HS3ST4: variants seen among roughly 807,000 people sequenced by gnomAD.
The protein encoded by HS3ST4 is heparan sulfate-glucosamine 3-sulfotransferase 4.
Under a neutral mutation model 29.2 loss-of-function variants are expected in HS3ST4, and 17 were observed. That is an observed-to-expected ratio of 0.58 (90% CI 0.40 to 0.87). The LOEUF is 0.87. HS3ST4 is among the 40% of genes least tolerant of loss of function. The probability of loss-of-function intolerance (pLI) is 0.00; values close to 1 mark genes in which losing one functional copy is unlikely to be tolerated. For missense variants in HS3ST4, 627 were observed against 634.5 expected, an observed-to-expected ratio of 0.99 and a Z score of 0.13; for synonymous variants, 314 against 285.7, an observed-to-expected ratio of 1.10 and a Z score of -1.00.
At chr16:25,825,691 G>C (rs1967208368) in intron 1 of HS3ST4, 1 of 152,194 alleles carries the variant, frequency 6.6e-6, no homozygotes, top group South Asian at 2.1e-4. Context: ...TGCTAACTGT[G>C]TTCACCTTAT....
chr16:26,103,688 T>A (rs770170787), intron 1 of HS3ST4, among the ~76,000 whole-genome samples: 1 of 152,220 alleles, frequency 6.6e-6, no homozygotes, highest in South Asian at 2.1e-4. Context: ...GCTTAATTAA[T>A]CTAACACTAT....
chr16:25,714,062 G>T (rs1461105156), intron 1 of HS3ST4, among the ~76,000 whole-genome samples: 1 of 151,416 alleles, frequency 6.6e-6, no homozygotes, highest in East Asian at 1.9e-4. Context: ...GGGGAATTTT[G>T]CAGATCTCTG....
At chr16:25,939,025 A>G (rs188100621) in intron 1 of HS3ST4, among the ~76,000 whole-genome samples, 1 of 152,254 alleles carries the variant, frequency 6.6e-6, no homozygotes, top group East Asian at 1.9e-4. Flanking sequence ...ATGATCAGTG[A>G]TGGCTGAATG....
rs376010878 is a variant in HS3ST4, at chr16:25,756,146, A to G, written c.734+62995A>G. ...CACACATACACACACACACACACAC[A>G]CACACACGCACACACACACACACAC... On this transcript the variant is annotated intron_variant, in intron 1 of 1. Transcript: ENST00000331351. 3.6e-3 allele frequency among the ~76,000 whole-genome samples: 312 copies of G among 86,554 alleles called. 2 individuals carry two copies. The highest frequency in any genetic ancestry group is 0.012 in the African/African-American group (298 of 24,240). 56.8% of individuals were successfully genotyped at this position (86,554 alleles called of 152,430 possible).
chr16:25,765,102 G>C (rs1346761940), intron 1 of HS3ST4, among the ~76,000 whole-genome samples: 1 of 152,240 alleles, frequency 6.6e-6, no homozygotes, highest in Non-Finnish European at 1.5e-5. Flanking sequence ...GGGAGAGTCT[G>C]TGTGAAGCAT....
At chr16:25,889,991 G>A (rs1328390464) in intron 1 of HS3ST4, among the ~76,000 whole-genome samples, 3 of 152,158 alleles carry the variant, frequency 2.0e-5, no homozygotes, top group Non-Finnish European at 4.4e-5. Flanking sequence ...CCAGCCATGT[G>A]GAACTGTGAG....
chr16:26,128,401 G>A (rs926892476), intron 1 of HS3ST4, among the ~76,000 whole-genome samples: 3 of 152,196 alleles, frequency 2.0e-5, no homozygotes, highest in African/African-American at 7.2e-5. Flanking sequence ...AGCAATTTGA[G>A]GTCCAGGGAG....
At chr16:25,704,034 C>G (rs1419943698) in intron 1 of HS3ST4, among the ~76,000 whole-genome samples, 2 of 152,172 alleles carry the variant, frequency 1.3e-5, no homozygotes, top group Admixed American at 6.5e-5. Context: ...CATTTTGTTT[C>G]AAGCCAGAGC....
intron 1 of HS3ST4, among the ~76,000 whole-genome samples, chr16:26,078,808 G>A (rs1343827488): frequency 6.6e-6 from 1 of 152,224 alleles, no homozygotes; most frequent in Non-Finnish European, 1.5e-5. Context: ...GCATATTGCA[G>A]TCTTTAACCA....
chr16:25,703,994 A>G (rs1225690448), intron 1 of HS3ST4, among the ~76,000 whole-genome samples: 2 of 152,200 alleles, frequency 1.3e-5, no homozygotes, highest in Non-Finnish European at 2.9e-5. Flanking sequence ...CTAGAAGGTA[A>G]ACTGCATAGG....
chr16:25,945,278 T>C (rs1968613848), intron 1 of HS3ST4, among the ~76,000 whole-genome samples: 1 of 152,230 alleles, frequency 6.6e-6, no homozygotes, highest in Admixed American at 6.5e-5. Context: ...TGTAATTTGA[T>C]AAATTGCTTT....
intron 1 of HS3ST4, among the ~76,000 whole-genome samples, chr16:25,760,087 T>C (rs1349559734): frequency 4.6e-5 from 7 of 152,176 alleles, no homozygotes; most frequent in Non-Finnish European, 1.5e-5. Context: ...TGTGCGTCTA[T>C]GAGGGCTGCC....
At chr16:26,131,595 C>A (rs1303627121) in intron 1 of HS3ST4, among the ~76,000 whole-genome samples, 1 of 152,132 alleles carries the variant, frequency 6.6e-6, no homozygotes, top group Non-Finnish European at 1.5e-5. Flanking sequence ...AGAAAAAGTG[C>A]CTGAAAGGTT....
intron 1 of HS3ST4, among the ~76,000 whole-genome samples, chr16:25,793,580 A>C (rs1208031385): frequency 6.6e-6 from 1 of 151,970 alleles, no homozygotes; most frequent in African/African-American, 2.4e-5. Flanking sequence ...ACTTTGCTGC[A>C]TATTAGTATA....
chr16:25,955,984 G>A (rs1048733871), intron 1 of HS3ST4, among the ~76,000 whole-genome samples: 4 of 151,620 alleles, frequency 2.6e-5, no homozygotes, highest in African/African-American at 9.7e-5. Context: ...CTGGCTAAGT[G>A]TTTTGTATTT....
intron 1 of HS3ST4, among the ~76,000 whole-genome samples, chr16:25,845,571 A>G (rs1791616042): frequency 6.6e-6 from 1 of 152,004 alleles, no homozygotes; most frequent in African/African-American, 2.4e-5. Context: ...GAGAAGACCC[A>G]TTTAAAATTT....
At chr16:25,953,137 C>T (rs1596624585) in intron 1 of HS3ST4, among the ~76,000 whole-genome samples, 1 of 152,116 alleles carries the variant, frequency 6.6e-6, no homozygotes, top group East Asian at 1.9e-4. Context: ...GTAGCTGAGC[C>T]CTGGCTTGTC....
chr16:25,740,158 C>T (rs1016951466), intron 1 of HS3ST4, among the ~76,000 whole-genome samples: 28 of 152,110 alleles, frequency 1.8e-4, no homozygotes, highest in African/African-American at 6.3e-4. Context: ...CCTACTGCAT[C>T]GTTCTAGGAT....
chr16:25,760,423 G>GGT (rs10651006), intron 1 of HS3ST4, among the ~76,000 whole-genome samples: 4 of 139,446 alleles, frequency 2.9e-5, no homozygotes, highest in East Asian at 2.1e-4. Context: ...ATGACTCCAT[G>GGT]TTTTTTTTTT....
Sources: allele counts gnomAD v4.1 joint callset (sites outside exome capture counted in the v4.1 genomes callset), GRCh38; gene constraint gnomAD v4.1.1; transcripts MANE v1.5; gene names NCBI Gene and HGNC (gene_info 2026-07-23, HGNC 2026-07-21).